Variants in ZFPM2 observed in about 807,000 individuals in gnomAD.
ZFPM2 encodes the protein zinc finger protein, FOG family member 2.
In ZFPM2, 20 loss-of-function variants were observed where a neutral mutation model predicts 98.6. The observed-to-expected ratio is 0.20, with a 90% CI of 0.14 to 0.29. ZFPM2 has a LOEUF of 0.29. Among genes scored for constraint, ZFPM2 ranks in the 10% least tolerant of loss-of-function variants. ZFPM2 has a pLI of 1.00. For synonymous variants in ZFPM2, 518 were observed against 502.7 expected, an observed-to-expected ratio of 1.03 and a Z score of -0.41; for missense variants, 1,310 against 1,388.6, an observed-to-expected ratio of 0.94 and a Z score of 0.90.
chr8:105,336,062 A>C (rs915179730), intron 1 of ZFPM2, among the ~76,000 whole-genome samples: 21 of 151,880 alleles, frequency 1.4e-4, no homozygotes, highest in African/African-American at 4.1e-4. Flanking sequence ...GCACAAAGTC[A>C]TATATTTACG....
At chr8:105,482,971 TTCCCTCCC>T (rs1269138781) in intron 3 of ZFPM2, among the ~76,000 whole-genome samples, 1 of 92,060 alleles carries the variant, frequency 1.1e-5, no homozygotes, top group Non-Finnish European at 2.2e-5. Flanking sequence ...CCTTATCTCC[TTCCCTCCC>T]TCCCTCCCCC....
At chr8:105,725,520 A>T (rs1375541884) in intron 5 of ZFPM2, among the ~76,000 whole-genome samples, 1 of 151,776 alleles carries the variant, frequency 6.6e-6, no homozygotes, top group Non-Finnish European at 1.5e-5. Flanking sequence ...ATCAGCTGGG[A>T]TACTTTTGAG....
intron 3 of ZFPM2, among the ~76,000 whole-genome samples, chr8:105,502,365 G>C (rs1270580022): frequency 6.6e-6 from 1 of 152,074 alleles, no homozygotes. Context: ...TTGAAGATAA[G>C]CATGCTACAG....
intron 1 of ZFPM2, among the ~76,000 whole-genome samples, chr8:105,334,434 A>G (rs1199397283): frequency 6.6e-6 from 1 of 151,698 alleles, no homozygotes; most frequent in Non-Finnish European, 1.5e-5. Flanking sequence ...TCAAGTGAAG[A>G]TTATGCTCAC....
chr8:105,380,634 T>TGATATATATATTA (rs1810833309), intron 1 of ZFPM2, among the ~76,000 whole-genome samples: 1 of 16,010 alleles, frequency 6.2e-5, no homozygotes, highest in Non-Finnish European at 1.1e-4. Context: ...AACATATATA[T>TGATATATATATTA]TATATATATA....
chr8:105,523,544 C>T (rs1361025772), intron 3 of ZFPM2, among the ~76,000 whole-genome samples: 1 of 152,120 alleles, frequency 6.6e-6, no homozygotes, highest in Non-Finnish European at 1.5e-5. Context: ...AAGGTTATGC[C>T]TTTTTAGACA....
intron 5 of ZFPM2, among the ~76,000 whole-genome samples, chr8:105,733,226 T>C (rs1459477750): frequency 6.6e-6 from 1 of 151,892 alleles, no homozygotes; most frequent in African/African-American, 2.4e-5. Flanking sequence ...CAAACTCTGC[T>C]TTCACACATA....
intron 4 of ZFPM2, among the ~76,000 whole-genome samples, chr8:105,580,874 C>T (rs1182018558): frequency 6.7e-6 from 1 of 149,692 alleles, no homozygotes; most frequent in African/African-American, 2.5e-5. Context: ...TCTTTTTGAT[C>T]ACATTTACTA....
intron 3 of ZFPM2, among the ~76,000 whole-genome samples, chr8:105,552,551 C>T (rs576130587): frequency 2.0e-5 from 3 of 152,242 alleles, no homozygotes; most frequent in Admixed American, 6.5e-5. Context: ...AAGTCTCCAA[C>T]GACCACAGCT....
chr8:105,404,042 A>ACAACAACAACAG lies in ZFPM2; in HGVS notation c.41-15100_41-15099insACAACAACAGCA, dbSNP rs1322048908. Among the ~76,000 whole-genome samples, 3 of 138,244 alleles carry ACAACAACAACAG rather than the reference A, an allele frequency of 2.2e-5. No homozygotes were observed. In the East Asian group the frequency reaches 6.2e-4, roughly 28 times the overall value. The allele number at this position is 138,244 out of a possible 152,430, so 90.7% of individuals were successfully genotyped here. A position where few individuals can be genotyped will look rare whatever the true frequency, so the allele number is the denominator to read the frequency against. On this transcript the variant is annotated intron_variant, in intron 1 of 7. Coordinates refer to ENST00000407775, the MANE Select transcript of ZFPM2 (RefSeq NM_012082.4). ...AACAACAACAACAACAACAACAACAACAGCAGCATAGATTTGGCCCTAGGC... is the reference window on the plus strand; with the variant it reads ...AACAACAACAACAACAACAACAACAACAACAACAACAGCAGCAGCATAGATTTGGCCCTAGGC...
At chr8:105,363,124 A>G (rs1483628308) in intron 1 of ZFPM2, among the ~76,000 whole-genome samples, 2 of 152,200 alleles carry the variant, frequency 1.3e-5, no homozygotes, top group Admixed American at 6.5e-5. Context: ...ATCGGACTAC[A>G]TGAATATTGC....
intron 3 of ZFPM2, among the ~76,000 whole-genome samples, chr8:105,477,231 A>G (rs2130371027): frequency 7.0e-6 from 1 of 143,614 alleles, no homozygotes; most frequent in Middle Eastern, 3.7e-3. Context: ...TCTTTCTGCT[A>G]GCAATCTTTT....
intron 4 of ZFPM2, among the ~76,000 whole-genome samples, chr8:105,618,618 A>G (rs570328697): frequency 6.6e-6 from 1 of 152,320 alleles, no homozygotes; most frequent in Admixed American, 6.5e-5. Flanking sequence ...TACATGGAAT[A>G]ACATATCCAG....
intron 1 of ZFPM2, among the ~76,000 whole-genome samples, chr8:105,377,270 A>T (rs1033520611): frequency 7.2e-5 from 11 of 152,242 alleles, no homozygotes; most frequent in Non-Finnish European, 1.5e-4. Context: ...TTACAACATT[A>T]TAGTTTATTA....
intron 5 of ZFPM2, among the ~76,000 whole-genome samples, chr8:105,770,549 CAGTA>C (rs1433909216): frequency 3.3e-5 from 5 of 152,062 alleles, no homozygotes; most frequent in African/African-American, 9.7e-5. Flanking sequence ...TAAGACCTCA[CAGTA>C]AGTGTTTAAA....
At chr8:105,409,853 CCAGGTGATGCTATTAT>C (rs1346528733) in intron 1 of ZFPM2, among the ~76,000 whole-genome samples, 3 of 151,728 alleles carry the variant, frequency 2.0e-5, no homozygotes, top group Non-Finnish European at 2.9e-5. Flanking sequence ...TAACAAGTTA[CCAGGTGATGCTATTAT>C]CAGGTGATGC....
Position 105,798,953 on chromosome 8 carries a change from A to G in ZFPM2, c.964+5A>G, listed in dbSNP as rs1412390699. ...TGCACCTGAATTCACACAGTGGTAA[A>G]TGCCCCTTTTGTTTCTTCTGTTGCT... On this transcript the variant is annotated splice_donor_5th_base_variant and intron_variant, in intron 7 of 7. Transcript: ENST00000407775. 3 of 1,611,102 alleles carry G rather than the reference A, an allele frequency of 1.9e-6. No individual in the cohort carries two copies. The highest frequency in any genetic ancestry group is 2.5e-6 in the Non-Finnish European group (3 of 1,177,664).
rs1212788520 is a variant in ZFPM2, at chr8:105,573,605, C to T, written c.420+12124C>T. Among the ~76,000 whole-genome samples the T allele has an allele frequency of 2.0e-5, 3 of 152,244 alleles. No homozygotes were observed. The East Asian group carries it at 5.8e-4, about 29-fold the overall frequency. On this transcript the variant is annotated intron_variant, in intron 4 of 7. Coordinates refer to ENST00000407775, the MANE Select transcript of ZFPM2 (RefSeq NM_012082.4). Reference sequence around the variant, plus strand: ...ATTCATTAAAATATTTATGGTTTCTCACATCTGTGATCAGTGGCTTCCTGA... The same window carrying T: ...ATTCATTAAAATATTTATGGTTTCTTACATCTGTGATCAGTGGCTTCCTGA...
chr8:105,461,301 A>G (rs1318767841), intron 3 of ZFPM2, among the ~76,000 whole-genome samples: 1 of 152,186 alleles, frequency 6.6e-6, no homozygotes, highest in East Asian at 1.9e-4. Flanking sequence ...CAGATATTCA[A>G]ATACAGTAAA....
Sources: gnomAD v4.1 joint callset for allele counts (sites outside exome capture counted in the v4.1 genomes callset) on GRCh38, gnomAD v4.1.1 for gene constraint, MANE v1.5 for transcripts, NCBI Gene and HGNC (gene_info 2026-07-23, HGNC 2026-07-21) for gene names.